CTNNA3: variants seen among roughly 807,000 people sequenced by gnomAD.
CTNNA3 encodes catenin alpha-3.
CTNNA3 carries 76 observed loss-of-function variants against 95.7 expected under a neutral mutation model. The observed-to-expected ratio is 0.79, with a 90% CI of 0.66 to 0.96. The LOEUF (loss-of-function observed/expected upper bound fraction) is 0.96. Among genes scored for constraint, CTNNA3 ranks in the 40% least tolerant of loss-of-function variants. The probability of loss-of-function intolerance (pLI) is 0.00; values close to 1 mark genes in which losing one functional copy is unlikely to be tolerated. For missense variants in CTNNA3, 1,191 were observed against 1,089.8 expected (o/e 1.09, Z -1.31); for synonymous variants, 431 against 374.4 (o/e 1.15, Z -1.74).
chr10:66,573,602 C>T (rs1842929614), intron 10 of CTNNA3, among the ~76,000 whole-genome samples: 1 of 152,104 alleles, frequency 6.6e-6, no homozygotes, highest in South Asian at 2.1e-4. Context: ...ATTGCCTATT[C>T]ATTTTTGCCT....
At chr10:66,580,922 C>T (rs1220769333) in intron 10 of CTNNA3, among the ~76,000 whole-genome samples, 1 of 151,648 alleles carries the variant, frequency 6.6e-6, no homozygotes, top group East Asian at 1.9e-4. Flanking sequence ...TTTAAGTCTT[C>T]GATGTCTATT....
intron 1 of CTNNA3, among the ~76,000 whole-genome samples, chr10:67,715,269 G>T (rs911491075): frequency 5.9e-5 from 9 of 152,156 alleles, no homozygotes; most frequent in African/African-American, 2.2e-4. Context: ...TCATGTTAAT[G>T]ACTTGGATAA....
At chr10:66,685,321 G>GTATATATA (rs1564617397) in intron 9 of CTNNA3, among the ~76,000 whole-genome samples, 254 of 21,940 alleles carry the variant, frequency 0.012, 4 homozygotes, top group Non-Finnish European at 0.015. Flanking sequence ...GTGTGTGTAT[G>GTATATATA]TGTGTATATA....
rs976153082 is a variant in CTNNA3, at chr10:65,915,920, A to G, written c.*4410T>C. The stretch of plus-strand genomic sequence containing the variant: ...CTTCTCTTTCTCTTTGAGATGACTA[A>G]GATAGCGTTAGTAGCCTCATTCAAA... On this transcript the variant is annotated 3_prime_UTR_variant, in exon 18 of 18. Transcript: ENST00000433211. 1 of 152,200 alleles carries G rather than the reference A, an allele frequency of 6.6e-6. No individual in the cohort carries two copies. 9.4% of individuals were successfully genotyped at this position (152,200 alleles called of 1,614,324 possible). A position where few individuals can be genotyped will look rare whatever the true frequency, so the allele number is the denominator to read the frequency against.
chr10:66,729,021 A>G (rs1427296100), intron 9 of CTNNA3, among the ~76,000 whole-genome samples: 2 of 152,118 alleles, frequency 1.3e-5, no homozygotes, highest in African/African-American at 4.8e-5. Context: ...TTTCCCCATT[A>G]CTTGTTTTTG....
intron 1 of CTNNA3, among the ~76,000 whole-genome samples, chr10:67,664,846 AAATCATGAG>A (rs1238581941): frequency 1.3e-5 from 2 of 152,216 alleles, no homozygotes; most frequent in Admixed American, 1.3e-4. Flanking sequence ...CAAGTATCAA[AAATCATGAG>A]TTTCTCCTTT....
chr10:66,192,176 G>A (rs947329236), intron 13 of CTNNA3, among the ~76,000 whole-genome samples: 3 of 152,118 alleles, frequency 2.0e-5, no homozygotes, highest in Non-Finnish European at 4.4e-5. Context: ...AAACCCCAGA[G>A]TGGTAAAATT....
At chr10:66,500,707 T>C (rs115259385) in intron 11 of CTNNA3, among the ~76,000 whole-genome samples, 1,618 of 152,252 alleles carry the variant, frequency 0.011, 32 homozygotes, top group African/African-American at 0.037. Flanking sequence ...ATTATTTAGA[T>C]ACACAAAAAG....
intron 11 of CTNNA3, among the ~76,000 whole-genome samples, chr10:66,458,025 C>T (rs2093506111): frequency 6.6e-6 from 1 of 152,274 alleles, no homozygotes; most frequent in African/African-American, 2.4e-5. Context: ...AAACTTAGAT[C>T]AGCTGTAGTT....
At chr10:66,531,061 A>G (rs1156303225) in intron 10 of CTNNA3, among the ~76,000 whole-genome samples, 1 of 152,194 alleles carries the variant, frequency 6.6e-6, no homozygotes, top group Admixed American at 6.5e-5. Flanking sequence ...ATAATTCCAC[A>G]TGAAAATCAA....
intron 12 of CTNNA3, among the ~76,000 whole-genome samples, chr10:66,309,906 AAAATAAATAAATAAATAAAT>A (rs140451350): frequency 0.13 from 17,747 of 135,770 alleles, 1,328 homozygotes; most frequent in East Asian, 0.27. Flanking sequence ...AAAGATACAA[AAAATAAATAAATAAATAAAT>A]AAATAAATAA....
chr10:65,944,854 G>GTCTGTCTATCTA (rs1554818822), intron 17 of CTNNA3, among the ~76,000 whole-genome samples: 1 of 144,852 alleles, frequency 6.9e-6, no homozygotes, highest in Non-Finnish European at 1.5e-5. Context: ...GAAAATATCT[G>GTCTGTCTATCTA]TCTATCTATC....
intron 12 of CTNNA3, among the ~76,000 whole-genome samples, chr10:66,366,838 G>T (rs1195629495): frequency 6.6e-6 from 1 of 152,076 alleles, no homozygotes; most frequent in Non-Finnish European, 1.5e-5. Flanking sequence ...GTATGATTAA[G>T]GTAGATGTGT....
intron 13 of CTNNA3, among the ~76,000 whole-genome samples, chr10:66,156,336 T>G (rs1269295699): frequency 6.6e-6 from 1 of 152,014 alleles, no homozygotes; most frequent in East Asian, 1.9e-4. Context: ...TGTCCTGTGA[T>G]TTTGTTGTGA....
At chr10:66,170,835 A>G (rs2085385934) in intron 13 of CTNNA3, among the ~76,000 whole-genome samples, 4 of 152,172 alleles carry the variant, frequency 2.6e-5, no homozygotes, top group Admixed American at 2.0e-4. Flanking sequence ...AAAAACTGAA[A>G]GAAATATCTA....
At chr10:67,362,068 A>C (rs528690048) in intron 5 of CTNNA3, among the ~76,000 whole-genome samples, 1 of 152,270 alleles carries the variant, frequency 6.6e-6, no homozygotes, top group South Asian at 2.1e-4. Flanking sequence ...AGATTGAAAC[A>C]GGAAGAAATT....
At chr10:67,210,912 G>A (rs1864113831) in intron 6 of CTNNA3, among the ~76,000 whole-genome samples, 1 of 152,018 alleles carries the variant, frequency 6.6e-6, no homozygotes, top group Non-Finnish European at 1.5e-5. Flanking sequence ...CACAAGTATG[G>A]TCCCTAGTTA....
chr10:66,693,179 A>G (rs1419577603), intron 9 of CTNNA3, among the ~76,000 whole-genome samples: 1 of 152,062 alleles, frequency 6.6e-6, no homozygotes, highest in Non-Finnish European at 1.5e-5. Flanking sequence ...AACTGGATAA[A>G]GTCAAGACCC....
At chr10:67,709,328 C>T (rs1270158406) in intron 1 of CTNNA3, among the ~76,000 whole-genome samples, 3 of 152,004 alleles carry the variant, frequency 2.0e-5, no homozygotes, top group Non-Finnish European at 4.4e-5. Flanking sequence ...TGAGTAAAAC[C>T]AGAGTTAGGT....
Sources: allele counts gnomAD v4.1 joint callset (sites outside exome capture counted in the v4.1 genomes callset), GRCh38; gene constraint gnomAD v4.1.1; transcripts MANE v1.5; gene names NCBI Gene and HGNC (gene_info 2026-07-23, HGNC 2026-07-21).